RYR2: variants seen among roughly 807,000 people sequenced by gnomAD.
RYR2 encodes cardiac muscle ryanodine receptor-calcium release channel.
RYR2 carries 227 observed loss-of-function variants against 601.1 expected under a neutral mutation model. That is an observed-to-expected ratio of 0.38 (90% CI 0.34 to 0.42). The LOEUF is 0.42. Among genes scored for constraint, RYR2 ranks in the 10% least tolerant of loss-of-function variants. The probability of loss-of-function intolerance (pLI) is 1.00; values close to 1 mark genes in which losing one functional copy is unlikely to be tolerated. For synonymous variants in RYR2, 2,223 were observed against 2,175.1 expected, an observed-to-expected ratio of 1.02 and a Z score of -0.61; for missense variants, 4,646 against 6,156.5, an observed-to-expected ratio of 0.75 and a Z score of 8.21.
intron 1 of RYR2, among the ~76,000 whole-genome samples, chr1:237,244,583 A>G (rs1399910498): frequency 2.6e-5 from 4 of 152,142 alleles, no homozygotes; most frequent in African/African-American, 9.7e-5. Flanking sequence ...GCCCTACATA[A>G]ATCAGACACC....
intron 2 of RYR2, among the ~76,000 whole-genome samples, chr1:237,282,631 A>G (rs1410338864): frequency 6.6e-6 from 1 of 152,192 alleles, no homozygotes; most frequent in Non-Finnish European, 1.5e-5. Context: ...GGGAAGGAGA[A>G]TACTTATGTC....
chr1:237,641,463 G>GTCTTTCTTTCTTTCTT (rs1459578599), intron 47 of RYR2, among the ~76,000 whole-genome samples: 55 of 55,246 alleles, frequency 1.0e-3, no homozygotes, highest in East Asian at 4.4e-3. Flanking sequence ...ATAAATTAGT[G>GTCTTTCTTTCTTTCTT]TCTGTCTGTC....
chr1:237,221,785 G>T (rs1348701538), intron 1 of RYR2, among the ~76,000 whole-genome samples: 2 of 152,134 alleles, frequency 1.3e-5, no homozygotes, highest in Non-Finnish European at 2.9e-5. Flanking sequence ...TATTCTGGGT[G>T]GTGGTCAACA....
chr1:237,739,033 T>C (rs1691385141), intron 79 of RYR2, among the ~76,000 whole-genome samples: 1 of 152,076 alleles, frequency 6.6e-6, no homozygotes, highest in Non-Finnish European at 1.5e-5. Context: ...TTTGCTGGAG[T>C]CATGATTTTC....
At chr1:237,555,416 G>A (rs2805464) in intron 27 of RYR2, among the ~76,000 whole-genome samples, 58,857 of 151,656 alleles carry the variant, frequency 0.39, 11,624 homozygotes, top group East Asian at 0.57. Flanking sequence ...TTTTTAGGTT[G>A]GAAAGATACT....
At chr1:237,223,153 T>C (rs1342943894) in intron 1 of RYR2, among the ~76,000 whole-genome samples, 1 of 152,234 alleles carries the variant, frequency 6.6e-6, no homozygotes, top group African/African-American at 2.4e-5. Flanking sequence ...TGTAATACTG[T>C]CTTATTCCAT....
chr1:237,359,207 A>G (rs1306912948), intron 4 of RYR2, among the ~76,000 whole-genome samples: 1 of 152,230 alleles, frequency 6.6e-6, no homozygotes. Flanking sequence ...GTGGGGCAAC[A>G]TCATCTAACA....
chr1:237,089,463 T>C (rs1045597284), intron 1 of RYR2, among the ~76,000 whole-genome samples: 4 of 152,204 alleles, frequency 2.6e-5, no homozygotes, highest in African/African-American at 9.6e-5. Flanking sequence ...CCCTAAGAAA[T>C]AGTGAGTCAG....
At chr1:237,679,137 A>G (rs957613090) in intron 61 of RYR2, among the ~76,000 whole-genome samples, 29 of 152,134 alleles carry the variant, frequency 1.9e-4, no homozygotes, top group African/African-American at 5.8e-4. Context: ...TGATAGATCC[A>G]TATATATATC....
At chr1:237,627,686 C>A in intron 40 of RYR2, 121 bp from the exon 41 acceptor site, 3 of 1,010,132 alleles carry the variant, frequency 3.0e-6, no homozygotes, top group South Asian at 1.8e-5. Context: ...TATCTAGAGC[C>A]TTTTCAAGCC....
intron 16 of RYR2, among the ~76,000 whole-genome samples, chr1:237,457,073 T>C (rs1299727697): frequency 6.6e-6 from 1 of 152,188 alleles, no homozygotes; most frequent in African/African-American, 2.4e-5. Flanking sequence ...GAAAGGTAGC[T>C]AGAGAAGTAG....
chr1:237,655,815 T>C lies in RYR2; in HGVS notation c.7966-6T>C, dbSNP rs2148823040. The C allele has an allele frequency of 1.9e-6, 3 of 1,578,432 alleles. No individual in the cohort carries two copies. The highest frequency in any genetic ancestry group is 1.4e-5 in the African/African-American group (1 of 73,552). On this transcript the variant is annotated splice_polypyrimidine_tract_variant and splice_region_variant and intron_variant, in intron 52 of 104. Transcript: ENST00000366574. ...ATTTTTTTTTTTGGTCCTCCATTTT[T>C]CCCAGAAATATGAACAAGAACTTTT... is the stretch of plus-strand genomic sequence containing the variant.
intron 1 of RYR2, among the ~76,000 whole-genome samples, chr1:237,060,295 A>G (rs967227121): frequency 6.6e-6 from 1 of 152,202 alleles, no homozygotes; most frequent in Non-Finnish European, 1.5e-5. Context: ...GTATAATGGG[A>G]TATATAATCC....
At chr1:237,333,675 A>C (rs1255811952) in intron 3 of RYR2, 1 of 455,800 alleles carries the variant, frequency 2.2e-6, no homozygotes, top group Non-Finnish European at 4.4e-6. Flanking sequence ...GTAGGAACCA[A>C]GTCTTCTGAA....
At chr1:237,728,528 CA>C (rs1195197556) in intron 76 of RYR2, among the ~76,000 whole-genome samples, 1 of 152,006 alleles carries the variant, frequency 6.6e-6, no homozygotes, top group Admixed American at 6.6e-5. Flanking sequence ...GACTTGGAAC[CA>C]ACCCAAATGC....
At chr1:237,243,258 G>C (rs79278163) in intron 1 of RYR2, among the ~76,000 whole-genome samples, 2,148 of 152,162 alleles carry the variant, frequency 0.014, 57 homozygotes, top group African/African-American at 0.049. Flanking sequence ...TGGGGGCTCA[G>C]TCCCCACAAG....
intron 1 of RYR2, among the ~76,000 whole-genome samples, chr1:237,239,585 A>G (rs746895443): frequency 1.3e-5 from 2 of 152,162 alleles, no homozygotes; most frequent in Non-Finnish European, 2.9e-5. Flanking sequence ...CAACAAAGAA[A>G]AGGGAGGAGG....
intron 12 of RYR2, among the ~76,000 whole-genome samples, chr1:237,429,006 A>C (rs188430419): frequency 3.9e-4 from 59 of 150,966 alleles, no homozygotes; most frequent in African/African-American, 1.4e-3. Context: ...CCTACCCTTA[A>C]TTGGACATTC....
At chr1:237,423,991 G>A (rs1705859272) in intron 12 of RYR2, among the ~76,000 whole-genome samples, 1 of 152,074 alleles carries the variant, frequency 6.6e-6, no homozygotes, top group Non-Finnish European at 1.5e-5. Flanking sequence ...GAGAGAGCAG[G>A]AGAGTGAGTG....
Sources: gnomAD v4.1 joint callset for allele counts (sites outside exome capture counted in the v4.1 genomes callset) on GRCh38, gnomAD v4.1.1 for gene constraint, MANE v1.5 for transcripts, NCBI Gene and HGNC (gene_info 2026-07-23, HGNC 2026-07-21) for gene names.